DMD: variants seen among roughly 807,000 people sequenced by gnomAD.
DMD encodes the protein dystrophin, also known as mutant dystrophin.
Under a neutral mutation model 330.1 loss-of-function variants are expected in DMD, and 63 were observed. The ratio of observed to expected loss-of-function variants is 0.19; its 90% confidence interval spans 0.16 to 0.24. The LOEUF (loss-of-function observed/expected upper bound fraction) is 0.24, where lower values mean the gene tolerates loss of function less well. Ranked by LOEUF, DMD falls within the 10% of genes least tolerant of loss-of-function variation. The pLI is 1.00. For synonymous variants in DMD, 1,223 were observed against 959.8 expected (o/e 1.27, Z -5.07); for missense variants, 3,344 against 2,684.1 (o/e 1.25, Z -5.43).
intron 18 of DMD, among the ~76,000 whole-genome samples, chrX:32,502,195 G>A (rs887765940): frequency 2.9e-4 from 32 of 111,141 alleles, no homozygotes; most frequent in African/African-American, 1.0e-3. Flanking sequence ...ATCTTTTAAA[G>A]ATACACCATT....
chrX:32,842,750 T>G (rs1174332392), intron 4 of DMD, among the ~76,000 whole-genome samples: 7 of 111,938 alleles, frequency 6.3e-5, no homozygotes, highest in Non-Finnish European at 1.1e-4. Context: ...AAGGACATGA[T>G]CTAATTCTTT....
chrX:31,212,705 G>A (rs909250975), intron 64 of DMD, among the ~76,000 whole-genome samples: 1 of 111,608 alleles, frequency 9.0e-6, no homozygotes. Context: ...AGACAACTGA[G>A]ACCAGAGATA....
chrX:32,558,965 T>TTTTTTTTTTTTTTC (rs2050679911), intron 16 of DMD, among the ~76,000 whole-genome samples: 1 of 77,087 alleles, frequency 1.3e-5, no homozygotes, highest in African/African-American at 4.4e-5. Context: ...TTTTTTTTTT[T>TTTTTTTTTTTTTTC]TTTGAGACGA....
At chrX:31,556,125 T>C (rs1398177163) in intron 55 of DMD, among the ~76,000 whole-genome samples, 1 of 110,424 alleles carries the variant, frequency 9.1e-6, no homozygotes, top group Admixed American at 9.7e-5. Context: ...CCCAGCACTT[T>C]GGGAGGCCGA....
chrX:32,730,826 G>C (rs927097385), intron 7 of DMD, among the ~76,000 whole-genome samples: 2 of 111,952 alleles, frequency 1.8e-5, no homozygotes, highest in Non-Finnish European at 3.8e-5. Context: ...GCCATGAGCA[G>C]AAAAAGAGTA....
chrX:32,878,681 A>C (rs975170124), intron 2 of DMD, among the ~76,000 whole-genome samples: 1 of 110,559 alleles, frequency 9.0e-6, no homozygotes, highest in East Asian at 2.9e-4. Flanking sequence ...TCCATCTCTA[A>C]TCATGAAAAG....
At chrX:31,622,873 TATATACAC>T (rs1280022906) in intron 55 of DMD, among the ~76,000 whole-genome samples, 2 of 86,927 alleles carry the variant, frequency 2.3e-5, no homozygotes, top group Non-Finnish European at 4.5e-5. Context: ...TATATATATA[TATATACAC>T]ACACACACAC....
intron 44 of DMD, among the ~76,000 whole-genome samples, chrX:32,213,189 T>C (rs900477439): frequency 7.1e-5 from 8 of 112,421 alleles, no homozygotes; most frequent in African/African-American, 2.6e-4. Context: ...GCTTGGTTGA[T>C]TTTTTTCACA....
intron 41 of DMD, among the ~76,000 whole-genome samples, chrX:32,336,626 G>A (rs1371990502): frequency 9.0e-6 from 1 of 111,441 alleles, no homozygotes; most frequent in Admixed American, 9.6e-5. Flanking sequence ...CTCCGAATTT[G>A]CATACATAAG....
At chrX:33,256,227 T>C (rs1479091547) in intron 1 of DMD, among the ~76,000 whole-genome samples, 1 of 111,247 alleles carries the variant, frequency 9.0e-6, no homozygotes, top group Non-Finnish European at 1.9e-5. Context: ...ACAAATTTCT[T>C]GCCAGATAAT....
chrX:32,406,462 G>T (rs369782407), intron 30 of DMD, among the ~76,000 whole-genome samples: 1 of 110,177 alleles, frequency 9.1e-6, no homozygotes, highest in African/African-American at 3.4e-5. Flanking sequence ...TTTAGCATGA[G>T]GGGTAGTTGA....
At chrX:32,848,109 T>A (rs754700880) in intron 3 of DMD, among the ~76,000 whole-genome samples, 1 of 111,827 alleles carries the variant, frequency 8.9e-6, no homozygotes, top group Non-Finnish European at 1.9e-5. Context: ...GACCAGAGGA[T>A]TGCAACACAG....
chrX:31,613,274 T>G (rs1210849675), intron 55 of DMD, among the ~76,000 whole-genome samples: 1 of 112,112 alleles, frequency 8.9e-6, no homozygotes, highest in African/African-American at 3.2e-5. Context: ...ATTCTTGCTT[T>G]TAGGGCAGGC....
intron 63 of DMD, among the ~76,000 whole-genome samples, chrX:31,234,039 C>A (rs779613704): frequency 8.9e-6 from 1 of 112,142 alleles, no homozygotes; most frequent in Non-Finnish European, 1.9e-5. Flanking sequence ...TAGAGACTCA[C>A]ATTCTCATAG....
intron 62 of DMD, among the ~76,000 whole-genome samples, chrX:31,308,970 T>G (rs1039268050): frequency 9.0e-6 from 1 of 110,961 alleles, no homozygotes; most frequent in Non-Finnish European, 1.9e-5. Flanking sequence ...CTCAGGTGAT[T>G]TGCCCACCTC....
intron 44 of DMD, among the ~76,000 whole-genome samples, chrX:32,095,335 A>G (rs1372558156): frequency 1.8e-5 from 2 of 112,190 alleles, no homozygotes; most frequent in Non-Finnish European, 3.8e-5. Context: ...AGATTTGTGG[A>G]AGTCAGAATG....
chrX:32,912,027 A>AGG (rs1475702365), intron 2 of DMD, among the ~76,000 whole-genome samples: 22 of 57,768 alleles, frequency 3.8e-4, no homozygotes, highest in Non-Finnish European at 6.4e-4. Context: ...GTGGGAGAGA[A>AGG]GGGGAGAGAG....
chrX:33,108,868 G>GGAAAAAAAAAAAAAAAAAAAAA (rs2095315156), intron 1 of DMD, among the ~76,000 whole-genome samples: 1 of 24,230 alleles, frequency 4.1e-5, no homozygotes, highest in Non-Finnish European at 9.3e-5. Flanking sequence ...CTCCGTTTCG[G>GGAAAAAAAAAAAAAAAAAAAAA]AAAAAAAAAA....
At chrX:32,928,213 T>C (rs2089256551) in intron 2 of DMD, among the ~76,000 whole-genome samples, 1 of 111,041 alleles carries the variant, frequency 9.0e-6, no homozygotes, top group South Asian at 3.8e-4. Flanking sequence ...TTGAGGTAAT[T>C]TTTTTCTTTG....
Sources: gnomAD v4.1 joint callset for allele counts (sites outside exome capture counted in the v4.1 genomes callset) on GRCh38, gnomAD v4.1.1 for gene constraint, MANE v1.5 for transcripts, NCBI Gene and HGNC (gene_info 2026-07-23, HGNC 2026-07-21) for gene names.